Variants in KDELR1 observed in about 807,000 individuals in gnomAD.
KDELR1 encodes ER lumen protein-retaining receptor 1.
Under a neutral mutation model 25.5 loss-of-function variants are expected in KDELR1, and 16 were observed. That is an observed-to-expected ratio of 0.63 (90% CI 0.43 to 0.95). The LOEUF is 0.95. Among genes scored for constraint, KDELR1 ranks in the 40% least tolerant of loss-of-function variants. The probability of loss-of-function intolerance (pLI) is 0.00; values close to 1 mark genes in which losing one functional copy is unlikely to be tolerated. For missense variants in KDELR1, 159 were observed against 265.2 expected (o/e 0.60, Z 2.78); for synonymous variants, 121 against 115.0 (o/e 1.05, Z -0.33).
Position 48,383,198 on chromosome 19 carries a change from TAAA to T in KDELR1, c.*92_*94del. 2 of 1,374,624 alleles carry T rather than the reference TAAA, an allele frequency of 1.5e-6. No homozygotes were observed. Among genetic ancestry groups the T allele is most frequent in the Non-Finnish European group, 2.0e-6 (2 of 987,484 alleles). The allele number at this position is 1,374,624 out of a possible 1,614,324, so 85.2% of individuals were successfully genotyped here. On this transcript the variant is annotated 3_prime_UTR_variant, in exon 5 of 5. Transcript: ENST00000330720. ...ATGGGGAGCACAAGAGGTGGGTTCT[TAAA>T]AAAGTCACCCCTGGATGGGAAAGCT...
chr19:48,390,555 GAGAGAGAC>G, intron 1 of KDELR1, 31 bp from the exon 2 acceptor site: 3 of 1,305,070 alleles, frequency 2.3e-6, no homozygotes, highest in South Asian at 1.2e-5. Context: ...AAGAGAGAGA[GAGAGAGAC>G]AGAGAGAGAG....
intron 1 of KDELR1, 53 bp from the exon 2 acceptor site, chr19:48,390,577 GAGACAGACAGAC>G: frequency 6.1e-6 from 6 of 979,528 alleles, no homozygotes; most frequent in South Asian, 4.5e-5. Context: ...GAGAGAGAGA[GAGACAGACAGAC>G]AGACAGACAG....
intron 3 of KDELR1, among the ~76,000 whole-genome samples, chr19:48,385,657 G>T (rs1033774961): frequency 2.0e-5 from 3 of 152,216 alleles, no homozygotes; most frequent in Admixed American, 6.5e-5. Flanking sequence ...TCTGTGATCT[G>T]CAGACACACT....
chr19:48,383,809 C>T, intron 4 of KDELR1, among the ~76,000 whole-genome samples: 1 of 152,160 alleles, frequency 6.6e-6, no homozygotes, highest in African/African-American at 2.4e-5. Context: ...CCAACTAATT[C>T]TTTCTTTACT....
At chr19:48,393,570 C>T (rs1055348537), upstream of KDELR1, among the ~76,000 whole-genome samples, 1 of 152,072 alleles carries the variant, frequency 6.6e-6, no homozygotes, top group Non-Finnish European at 1.5e-5. This position sits in a 1 kb window ranked among gnomAD's most constrained non-coding sequence, Gnocchi z 5.6. Flanking sequence ...GGGGCGGCCC[C>T]CTCCCCAAGC....
In KDELR1 at chr19:48,389,468, G is replaced by A. The variant is rs561904427; in HGVS notation, c.351+85C>T. 2.6e-6 allele frequency: 4 copies of A among 1,527,786 alleles called. No homozygotes were observed. In the South Asian group the frequency reaches 4.6e-5, roughly 18 times the overall value. 94.6% of individuals were successfully genotyped at this position (1,527,786 alleles called of 1,614,324 possible). Reference sequence around the variant, plus strand: ...TAAGGCAGTTTGGGCACACCCTGCAGAAGGAAGCCTGTGAGAGGGTCTCCT... The same window carrying A: ...TAAGGCAGTTTGGGCACACCCTGCAAAAGGAAGCCTGTGAGAGGGTCTCCT... On this transcript the variant is annotated intron_variant, in intron 3 of 4. Transcript: ENST00000330720.
At chr19:48,394,182 T>G (rs1970601926), upstream of KDELR1, among the ~76,000 whole-genome samples, 1 of 151,298 alleles carries the variant, frequency 6.6e-6, no homozygotes, top group South Asian at 2.1e-4. This position sits in a 1 kb window ranked among gnomAD's most constrained non-coding sequence, Gnocchi z 5.1. Context: ...CCCCCCACTC[T>G]GTGTGTGTGT....
Position 48,389,692 on chromosome 19 carries a change from G to A in KDELR1, c.212C>T (p.Ser71Phe), listed in dbSNP as rs1364217099. Residue 71 changes from serine to phenylalanine, a missense_variant, in exon 3 of 5, where the codon TCC (serine) becomes TTC (phenylalanine). Transcript: ENST00000330720. Reference sequence around the variant, plus strand: ...ATAAATCAACCAGACCGTGGTGAAGGAGCAGGCTATGTAGACCACCTGAGG... The same window carrying A: ...ATAAATCAACCAGACCGTGGTGAAGAAGCAGGCTATGTAGACCACCTGAGG... ...TCMKVVYIAC[S>F]FTTVWLIYSK... The A allele has an allele frequency of 6.2e-7, 1 of 1,614,074 alleles. No individual in the cohort carries two copies. Among genetic ancestry groups the A allele is most frequent in the South Asian group, 1.1e-5 (1 of 91,086 alleles).
chr19:48,388,634 CA>C (rs2147422319), intron 3 of KDELR1, among the ~76,000 whole-genome samples: 3 of 151,538 alleles, frequency 2.0e-5, no homozygotes, highest in East Asian at 1.9e-4. Context: ...TGCAGTGAGC[CA>C]GAATCATGCC....
upstream of KDELR1, among the ~76,000 whole-genome samples, chr19:48,393,178 G>A (rs373991647): frequency 6.6e-6 from 1 of 151,982 alleles, no homozygotes. This position sits in a 1 kb window ranked among gnomAD's most constrained non-coding sequence, Gnocchi z 5.6. Context: ...ACTTGGAGGC[G>A]GTCCCCAAAT....
chr19:48,384,580 G>A lies in KDELR1; in HGVS notation c.352-98C>T. ...GTTACAGGTGCCGCGAAGGTGGAGA[G>A]AAGGAAGGTGATCCAGGTGCTGCCA... On this transcript the variant is annotated intron_variant, in intron 3 of 4. Coordinates refer to ENST00000330720, the MANE Select transcript of KDELR1 (RefSeq NM_006801.3). The surrounding 1 kb of genome is among the most constrained non-coding windows in gnomAD (Gnocchi z 4.6). The A allele has an allele frequency of 7.0e-7, 1 of 1,431,758 alleles. No individual in the cohort carries two copies. Among genetic ancestry groups the A allele is most frequent in the South Asian group, 1.4e-5 (1 of 73,554 alleles). 88.7% of individuals were successfully genotyped at this position (1,431,758 alleles called of 1,614,324 possible).
At chr19:48,386,995 T>TCGTGCCTC (rs1462147623) in intron 3 of KDELR1, among the ~76,000 whole-genome samples, 1 of 146,158 alleles carries the variant, frequency 6.8e-6, no homozygotes, top group Non-Finnish European at 1.5e-5. Context: ...TGCTTGAACC[T>TCGTGCCTC]GGGAGGCAGA....
At position 48,383,132 on chromosome 19, in the gene KDELR1, T is replaced by C. The variant is rs1456343045; in HGVS notation, c.*161A>G. 7.0e-6 allele frequency: 5 copies of C among 717,130 alleles called. No individual in the cohort carries two copies. The Admixed American group carries it at 9.9e-5, about 14-fold the overall frequency. The allele number at this position is 717,130 out of a possible 1,614,324, so 44.4% of individuals were successfully genotyped here. ...CCCAAGTCCTGAGCTCCCCAAGACC[T>C]GGATCCTCCACTGTCCCCCTGAAAC... is the stretch of plus-strand genomic sequence containing the variant. On this transcript the variant is annotated 3_prime_UTR_variant, in exon 5 of 5. Coordinates refer to ENST00000330720, the MANE Select transcript of KDELR1 (RefSeq NM_006801.3).
upstream of KDELR1, among the ~76,000 whole-genome samples, chr19:48,396,148 C>G (rs375685687): frequency 2.6e-5 from 4 of 151,058 alleles, no homozygotes; most frequent in Admixed American, 2.0e-4. Context: ...GAAGTGGAAA[C>G]GGAGGCTCAT....
intron 2 of KDELR1, 24 bp from the exon 3 acceptor site, chr19:48,389,735 G>C: frequency 1.2e-6 from 2 of 1,613,056 alleles, no homozygotes; most frequent in Non-Finnish European, 1.7e-6. Flanking sequence ...TGATGAGAAG[G>C]GGCCTCAACT....
intron 3 of KDELR1, among the ~76,000 whole-genome samples, chr19:48,385,022 G>A (rs1970484939): frequency 6.6e-6 from 1 of 152,062 alleles, no homozygotes; most frequent in African/African-American, 2.4e-5. Flanking sequence ...GAGTAGCTGG[G>A]ATTACAGGTG....
rs528490618 is a variant in KDELR1, at chr19:48,384,619, G to C, written c.352-137C>G. ...CAGGTGCTGCCAAGTGCCAGACACA[G>C]TTCTGCCCGAGTTACTGGTACCTCT... is the stretch of plus-strand genomic sequence containing the variant. On this transcript the variant is annotated intron_variant, in intron 3 of 4. Coordinates refer to ENST00000330720, the MANE Select transcript of KDELR1 (RefSeq NM_006801.3). This position sits in a 1 kb window ranked among gnomAD's most constrained non-coding sequence, Gnocchi z 4.6. 8 of 1,095,110 alleles carry C rather than the reference G, an allele frequency of 7.3e-6. No individual in the cohort carries two copies. In the South Asian group the frequency reaches 1.3e-4, roughly 17 times the overall value. The allele number at this position is 1,095,110 out of a possible 1,614,324, so 67.8% of individuals were successfully genotyped here. A position where few individuals can be genotyped will look rare whatever the true frequency, so the allele number is the denominator to read the frequency against.
chr19:48,397,338 CT>C, the KDELR1 span, among the ~76,000 whole-genome samples: 3 of 152,062 alleles, frequency 2.0e-5, no homozygotes, highest in Non-Finnish European at 4.4e-5. Flanking sequence ...TTTTCTCTCC[CT>C]TTTCCTCCCT....
rs770525117 is a variant in KDELR1, at chr19:48,390,433, C to T, written c.183G>A (p.Thr61=). The change falls in exon 2 of 5, where the codon ACG becomes ACA. Residue 61 remains threonine (T), a synonymous_variant. Coordinates refer to ENST00000330720, the MANE Select transcript of KDELR1 (RefSeq NM_006801.3). ...GGGGTGGAGCCTCTACCTTCATACA[C>T]GTGTTGTAGAGTGAGATGTAGTTGG... ...LFTNYISLYN[T]CMKVVYIACS... is the part of the protein sequence containing the mutation. The T allele has an allele frequency of 1.6e-5, 26 of 1,612,474 alleles. No individual in the cohort carries two copies. Among genetic ancestry groups the T allele is most frequent in the South Asian group, 7.7e-5 (7 of 91,062 alleles).
Sources: gnomAD v4.1 joint callset for allele counts (sites outside exome capture counted in the v4.1 genomes callset) on GRCh38, gnomAD v4.1.1 for gene constraint, Gnocchi (gnomAD v3.1) non-coding constraint, MANE v1.5 for transcripts, NCBI Gene and HGNC (gene_info 2026-07-23, HGNC 2026-07-21) for gene names.